The following CACNA2D3 variants were observed in gnomAD, a reference collection of about 807,000 sequenced individuals.
CACNA2D3 encodes calcium voltage-gated channel auxiliary subunit alpha2delta 3.
A neutral mutation model predicts 160.6 loss-of-function variants in CACNA2D3; 60 were observed. The ratio of observed to expected loss-of-function variants is 0.37; its 90% CI spans 0.30 to 0.46. The LOEUF is 0.46. Among genes scored for constraint, CACNA2D3 ranks in the 20% least tolerant of loss-of-function variants. CACNA2D3 has a pLI of 1.00. For synonymous variants in CACNA2D3, 558 were observed against 492.9 expected (o/e 1.13, Z -1.75); for missense variants, 1,205 against 1,365.0 (o/e 0.88, Z 1.85).
chr3:54,680,484 G>T (rs887906835), intron 11 of CACNA2D3, among the ~76,000 whole-genome samples: 2 of 152,234 alleles, frequency 1.3e-5, no homozygotes, highest in Non-Finnish European at 2.9e-5. Flanking sequence ...CCCCCAGCCT[G>T]GGTCTTGCCT....
intron 11 of CACNA2D3, among the ~76,000 whole-genome samples, chr3:54,662,988 A>G (rs1168880615): frequency 6.6e-6 from 1 of 152,210 alleles, no homozygotes; most frequent in Non-Finnish European, 1.5e-5. Flanking sequence ...CAGGAACCAA[A>G]TGAGCAATAG....
chr3:54,379,155 G>GT (rs1291597725), intron 3 of CACNA2D3, among the ~76,000 whole-genome samples: 2 of 152,284 alleles, frequency 1.3e-5, no homozygotes, highest in East Asian at 1.9e-4. Context: ...CTATTGTTCT[G>GT]TTACCTGCTT....
At chr3:54,584,125 G>A (rs571604183) in intron 9 of CACNA2D3, among the ~76,000 whole-genome samples, 89 of 151,804 alleles carry the variant, frequency 5.9e-4, no homozygotes, top group Admixed American at 3.9e-3. Flanking sequence ...AGATGAAATC[G>A]GATCCAGAGT....
intron 4 of CACNA2D3, among the ~76,000 whole-genome samples, chr3:54,454,927 CT>C (rs1313435090): frequency 6.6e-6 from 1 of 152,018 alleles, no homozygotes; most frequent in African/African-American, 2.4e-5. Context: ...GACGGAATTT[CT>C]TTCTTATTTA....
intron 4 of CACNA2D3, among the ~76,000 whole-genome samples, chr3:54,455,632 G>A (rs1317702019): frequency 1.3e-5 from 2 of 151,880 alleles, no homozygotes; most frequent in African/African-American, 2.4e-5. Flanking sequence ...TAAGGTCTTT[G>A]CCATAAAATC....
intron 13 of CACNA2D3, among the ~76,000 whole-genome samples, chr3:54,768,697 G>T (rs1320541828): frequency 6.6e-6 from 1 of 152,024 alleles, no homozygotes; most frequent in African/African-American, 2.4e-5. Flanking sequence ...ATTTCACGTG[G>T]CCCATTACTA....
At chr3:54,885,452 T>G (rs758632271) in intron 22 of CACNA2D3, 37 bp from the exon 23 acceptor site, 42 of 1,601,756 alleles carry the variant, frequency 2.6e-5, no homozygotes, top group Non-Finnish European at 3.4e-5. Flanking sequence ...CTGTAAATAT[T>G]GACATGCTCT....
intron 4 of CACNA2D3, among the ~76,000 whole-genome samples, chr3:54,400,421 C>T (rs1046979278): frequency 6.6e-6 from 1 of 152,078 alleles, no homozygotes; most frequent in African/African-American, 2.4e-5. Flanking sequence ...GCACCTGTTT[C>T]CTGGAACTCA....
chr3:54,243,884 A>G (rs1394273317), intron 2 of CACNA2D3, among the ~76,000 whole-genome samples: 1 of 152,180 alleles, frequency 6.6e-6, no homozygotes, highest in East Asian at 1.9e-4. Flanking sequence ...CTGGATGAAT[A>G]TGGAGATGGA....
chr3:54,842,979 CTTTT>C (rs145158032), intron 16 of CACNA2D3, among the ~76,000 whole-genome samples: 6 of 134,978 alleles, frequency 4.4e-5, no homozygotes, highest in African/African-American at 1.6e-4. Flanking sequence ...GTGAGTGTAG[CTTTT>C]TTTTTTTTTT....
intron 27 of CACNA2D3, among the ~76,000 whole-genome samples, chr3:54,922,966 T>C (rs1446628587): frequency 1.3e-5 from 2 of 152,190 alleles, no homozygotes; most frequent in Non-Finnish European, 2.9e-5. Context: ...TGTCTGCCAG[T>C]TCAGTATTCC....
chr3:54,778,721 G>A (rs746190917), intron 13 of CACNA2D3, among the ~76,000 whole-genome samples: 1 of 152,216 alleles, frequency 6.6e-6, no homozygotes, highest in Non-Finnish European at 1.5e-5. Flanking sequence ...AGAATCAGAT[G>A]TGTAAATCTC....
chr3:54,131,935 C>T (rs993364497), intron 2 of CACNA2D3, among the ~76,000 whole-genome samples: 9 of 152,298 alleles, frequency 5.9e-5, no homozygotes, highest in African/African-American at 1.4e-4. Flanking sequence ...CCATCCATAA[C>T]GCCTTTTCCA....
At chr3:54,372,253 G>A (rs1698937242) in intron 3 of CACNA2D3, among the ~76,000 whole-genome samples, 3 of 152,206 alleles carry the variant, frequency 2.0e-5, no homozygotes, top group Non-Finnish European at 2.9e-5. Flanking sequence ...GTATTCAACT[G>A]TCTTAACTCA....
intron 11 of CACNA2D3, among the ~76,000 whole-genome samples, chr3:54,738,039 G>C (rs1317736000): frequency 2.0e-5 from 3 of 152,308 alleles, no homozygotes; most frequent in East Asian, 1.9e-4. Flanking sequence ...GCTCAGGTAA[G>C]AGTTCCACCT....
chr3:54,737,850 G>C (rs146075324), intron 11 of CACNA2D3, among the ~76,000 whole-genome samples: 1 of 152,334 alleles, frequency 6.6e-6, no homozygotes, highest in African/African-American at 2.4e-5. Context: ...ACTTTTGTTA[G>C]AGACGGGGTT....
intron 2 of CACNA2D3, among the ~76,000 whole-genome samples, chr3:54,220,277 C>A (rs1701543676): frequency 6.6e-6 from 1 of 152,016 alleles, no homozygotes; most frequent in Admixed American, 6.6e-5. Context: ...TTGCTCTTAT[C>A]AGTTAGGTTT....
At chr3:54,971,397 T>C (rs1702274085) in intron 29 of CACNA2D3, among the ~76,000 whole-genome samples, 1 of 152,204 alleles carries the variant, frequency 6.6e-6, no homozygotes, top group Non-Finnish European at 1.5e-5. Flanking sequence ...TGTTAAGCTC[T>C]TCACTTGCAC....
intron 35 of CACNA2D3, 53 bp from the exon 36 acceptor site, chr3:55,073,392 C>A: frequency 7.3e-7 from 1 of 1,370,014 alleles, no homozygotes; most frequent in African/African-American, 1.4e-5. Context: ...TTCCTCATGG[C>A]TCTTTAATTG....
Sources: gnomAD v4.1 joint callset for allele counts (sites outside exome capture counted in the v4.1 genomes callset) on GRCh38, gnomAD v4.1.1 for gene constraint, MANE v1.5 for transcripts, NCBI Gene and HGNC (gene_info 2026-07-23, HGNC 2026-07-21) for gene names.